IPO5: variants seen among roughly 807,000 people sequenced by gnomAD.
The protein encoded by IPO5 is importin 5, also known as importin-5.
Under a neutral mutation model 143.3 loss-of-function variants are expected in IPO5, and 18 were observed. The observed-to-expected ratio is 0.13, with a 90% CI of 0.09 to 0.19. IPO5 has a LOEUF of 0.19. Among genes scored for constraint, IPO5 ranks in the 10% least tolerant of loss-of-function variants. The probability of loss-of-function intolerance (pLI) is 1.00; values close to 1 mark genes in which losing one functional copy is unlikely to be tolerated. For missense variants in IPO5, 1,013 were observed against 1,336.9 expected, an observed-to-expected ratio of 0.76 and a Z score of 3.78; for synonymous variants, 477 against 465.7, an observed-to-expected ratio of 1.02 and a Z score of -0.31.
chr13:97,988,530 G>A (rs957100083), intron 6 of IPO5, among the ~76,000 whole-genome samples: 3 of 152,234 alleles, frequency 2.0e-5, no homozygotes, highest in Non-Finnish European at 4.4e-5. Flanking sequence ...GCTCACGCCT[G>A]TAATCCTAGT....
intron 5 of IPO5, among the ~76,000 whole-genome samples, chr13:97,983,839 C>A (rs1402219838): frequency 2.6e-5 from 4 of 151,660 alleles, no homozygotes; most frequent in African/African-American, 9.7e-5. Flanking sequence ...ACTTTAAAAG[C>A]CATATAAAAG....
At chr13:98,019,464 A>G (rs1425995732) in intron 26 of IPO5, 117 bp from the exon 27 acceptor site, 13 of 742,326 alleles carry the variant, frequency 1.8e-5, no homozygotes, top group South Asian at 1.8e-5. Context: ...AACACTTCCC[A>G]TACACTTTAA....
At chr13:98,008,803 T>C (rs771332884) in intron 18 of IPO5, among the ~76,000 whole-genome samples, 5 of 152,208 alleles carry the variant, frequency 3.3e-5, no homozygotes, top group Non-Finnish European at 7.3e-5. Context: ...GTTTGTCATA[T>C]CTTGATGGTA....
At chr13:97,981,101 ATCT>A in intron 4 of IPO5, 1 of 332,366 alleles carries the variant, frequency 3.0e-6, no homozygotes, top group Admixed American at 4.4e-5. Context: ...AATTCAAACC[ATCT>A]TCTCTCCTCG....
At chr13:97,982,737 A>G (rs1886958909) in intron 5 of IPO5, among the ~76,000 whole-genome samples, 154 bp downstream of exon 5, 1 of 151,848 alleles carries the variant, frequency 6.6e-6, no homozygotes, top group Admixed American at 6.5e-5. Flanking sequence ...CTTAGGAGTT[A>G]TAATGTAATT....
chr13:97,999,976 G>T (rs1439149952), intron 12 of IPO5, among the ~76,000 whole-genome samples: 1 of 152,132 alleles, frequency 6.6e-6, no homozygotes, highest in Non-Finnish European at 1.5e-5. Context: ...AGTAGCGGGT[G>T]GGGGTGGTCT....
intron 2 of IPO5, among the ~76,000 whole-genome samples, chr13:97,966,972 G>T (rs1334895980): frequency 6.6e-6 from 1 of 152,062 alleles, no homozygotes; most frequent in African/African-American, 2.4e-5. Flanking sequence ...GGAGGCGGAG[G>T]TTGCAGTGAG....
intron 21 of IPO5, 33 bp from the exon 22 acceptor site, chr13:98,014,009 A>T: frequency 6.3e-7 from 1 of 1,581,666 alleles, no homozygotes; most frequent in Non-Finnish European, 8.6e-7. Context: ...GCAAAATAAT[A>T]AACAGTCTTT....
intron 18 of IPO5, 83 bp downstream of exon 18, chr13:98,008,225 T>A (rs1889425402): frequency 1.2e-6 from 1 of 803,302 alleles, no homozygotes; most frequent in African/African-American, 1.7e-5. Context: ...ACAAAAGGAG[T>A]GATAGGTTTC....
rs774561232 is a variant in IPO5 at position 98,014,234 on chromosome 13, A to G, written c.2325+20A>G. On this transcript the variant is annotated intron_variant, in intron 22 of 28. Coordinates refer to ENST00000651721, the MANE Select transcript of IPO5 (RefSeq NM_002271.6). ...GCAAAGGTGAATATTTTTCTCTTAAAAAATATGTATAAGGTTGTATGTTCA... is the reference window on the plus strand; with the variant it reads ...GCAAAGGTGAATATTTTTCTCTTAAGAAATATGTATAAGGTTGTATGTTCA... 1 of 1,555,854 alleles carries G rather than the reference A, an allele frequency of 6.4e-7. No individual in the cohort carries two copies. Among genetic ancestry groups the G allele is most frequent in the Admixed American group, 1.7e-5 (1 of 57,384 alleles).
chr13:98,000,653 G>A lies in IPO5; in HGVS notation c.1108+8G>A. ...TGCAAATGCTTCAAAATCGTAAGCT[G>A]TGTCCTTCAAATGCTAGAAGAGTGA... On this transcript the variant is annotated splice_region_variant and intron_variant, in intron 13 of 28. Transcript: ENST00000651721. 1 of 1,590,822 alleles carries A rather than the reference G, an allele frequency of 6.3e-7. No homozygotes were observed. Among genetic ancestry groups the A allele is most frequent in the Non-Finnish European group, 8.6e-7 (1 of 1,158,832 alleles).
intron 2 of IPO5, among the ~76,000 whole-genome samples, chr13:97,965,587 T>A (rs1885261642): frequency 6.6e-6 from 1 of 152,242 alleles, no homozygotes; most frequent in South Asian, 2.1e-4. Context: ...AAGTTACTAT[T>A]ACTTTGTTAC....
chr13:98,008,687 T>G (rs1419222216), intron 18 of IPO5, among the ~76,000 whole-genome samples: 1 of 152,116 alleles, frequency 6.6e-6, no homozygotes, highest in Non-Finnish European at 1.5e-5. Context: ...TAGGTATACA[T>G]ACCCAGCTAA....
At chr13:98,006,005 C>A in intron 16 of IPO5, 125 bp from the exon 17 acceptor site, 1 of 665,182 alleles carries the variant, frequency 1.5e-6, no homozygotes, top group African/African-American at 1.8e-5. Flanking sequence ...GTCTCTGCTT[C>A]TGGAGAGGTG....
At chr13:98,010,780 C>CTT (rs71117688) in intron 20 of IPO5, among the ~76,000 whole-genome samples, 12 of 70,026 alleles carry the variant, frequency 1.7e-4, no homozygotes, top group African/African-American at 3.8e-4. Context: ...AAGGATAATC[C>CTT]TTTTTTTTTT....
chr13:97,970,334 T>C (rs1594028939), intron 3 of IPO5, among the ~76,000 whole-genome samples: 1 of 152,052 alleles, frequency 6.6e-6, no homozygotes. Context: ...TTAAAATATA[T>C]CTCAGGCCAG....
At chr13:97,955,459 A>C (rs569701514) in intron 2 of IPO5, among the ~76,000 whole-genome samples, 5 of 152,328 alleles carry the variant, frequency 3.3e-5, no homozygotes, top group Non-Finnish European at 5.9e-5. Flanking sequence ...ACAATAAATG[A>C]CACTGTCTGA....
At chr13:97,989,426 A>G (rs544645561) in intron 7 of IPO5, among the ~76,000 whole-genome samples, 1 of 152,176 alleles carries the variant, frequency 6.6e-6, no homozygotes, top group African/African-American at 2.4e-5. Context: ...GTTTTATTGA[A>G]CAGTTTCCTC....
chr13:97,991,487 G>C (rs542154719), intron 9 of IPO5, among the ~76,000 whole-genome samples: 2 of 152,312 alleles, frequency 1.3e-5, no homozygotes, highest in Admixed American at 1.3e-4. Context: ...TAGAGGTTGA[G>C]TGTCTCTTAT....
Sources: allele counts gnomAD v4.1 joint callset (sites outside exome capture counted in the v4.1 genomes callset), GRCh38; gene constraint gnomAD v4.1.1; transcripts MANE v1.5; gene names NCBI Gene and HGNC (gene_info 2026-07-23, HGNC 2026-07-21).